CHL1: variants seen among roughly 807,000 people sequenced by gnomAD.
CHL1 encodes cell adhesion molecule L1 like.
Under a neutral mutation model 141.9 loss-of-function variants are expected in CHL1, and 96 were observed. That is an observed-to-expected ratio of 0.68 (90% CI 0.57 to 0.80). CHL1 has a LOEUF of 0.80. Among genes scored for constraint, CHL1 ranks in the 30% least tolerant of loss-of-function variants. The probability of loss-of-function intolerance (pLI) is 0.00; values close to 1 mark genes in which losing one functional copy is unlikely to be tolerated. For synonymous variants in CHL1, 613 were observed against 502.2 expected (o/e 1.22, Z -2.95); for missense variants, 1,820 against 1,457.2 (o/e 1.25, Z -4.05).
chr3:380,716 CAAT>C (rs1706924503), intron 16 of CHL1, among the ~76,000 whole-genome samples: 1 of 152,118 alleles, frequency 6.6e-6, no homozygotes, highest in South Asian at 2.1e-4. Context: ...TCATTGTTAT[CAAT>C]AATGATAAAA....
At chr3:258,985 G>C (rs991947349) in intron 2 of CHL1, among the ~76,000 whole-genome samples, 6 of 147,980 alleles carry the variant, frequency 4.1e-5, no homozygotes, top group African/African-American at 1.5e-4. Flanking sequence ...CCAGGCTGGA[G>C]TGCAGTGGCT....
Position 363,353 on chromosome 3 carries a change from A to T in CHL1, c.1555A>T (p.Thr519Ser). The change falls in exon 14 of 28, where the codon ACT (threonine) becomes TCT (serine). Residue 519 changes from threonine to serine, a missense_variant. By Grantham distance (58) the Thr-to-Ser change is moderately conservative. Coordinates refer to ENST00000256509, the MANE Select transcript of CHL1 (RefSeq NM_006614.4). The part of the protein sequence containing the change: ...SCWVENAIGK[T>S]AVTANLDIRN... ...TTGGGTAGAAAATGCTATAGGAAAAACTGCAGTCACAGCCAATTTGGATAT... is the reference window on the plus strand; with the variant it reads ...TTGGGTAGAAAATGCTATAGGAAAATCTGCAGTCACAGCCAATTTGGATAT... 1 of 1,611,134 alleles carries T rather than the reference A, an allele frequency of 6.2e-7. No individual in the cohort carries two copies. Among genetic ancestry groups the T allele is most frequent in the Non-Finnish European group, 8.5e-7 (1 of 1,179,104 alleles).
chr3:344,127 G>A (rs185398384), intron 8 of CHL1, among the ~76,000 whole-genome samples: 1 of 152,258 alleles, frequency 6.6e-6, no homozygotes, highest in Non-Finnish European at 1.5e-5. Context: ...TAGATGCCTA[G>A]TGTCTACCAC....
At chr3:357,052 T>G (rs933561700) in intron 11 of CHL1, among the ~76,000 whole-genome samples, 2 of 152,232 alleles carry the variant, frequency 1.3e-5, no homozygotes, top group Admixed American at 6.5e-5. Flanking sequence ...TCTGGATTTA[T>G]TTTGAAATTG....
intron 1 of CHL1, among the ~76,000 whole-genome samples, chr3:212,420 C>T (rs1699976178): frequency 6.6e-6 from 1 of 152,192 alleles, no homozygotes; most frequent in Non-Finnish European, 1.5e-5. Context: ...CCCCTCAATA[C>T]ACTGAGATTT....
intron 1 of CHL1, among the ~76,000 whole-genome samples, chr3:225,233 T>A (rs2125005113): frequency 6.6e-6 from 1 of 152,348 alleles, no homozygotes; most frequent in South Asian, 2.1e-4. Context: ...CCACTGAGTA[T>A]GTAACACGTT....
At chr3:315,761 C>T (rs1208235148) in intron 2 of CHL1, among the ~76,000 whole-genome samples, 1 of 152,012 alleles carries the variant, frequency 6.6e-6, no homozygotes, top group Non-Finnish European at 1.5e-5. Flanking sequence ...TGCATTGAAG[C>T]GACTGCATTG....
chr3:242,331 T>G (rs1692666434), intron 1 of CHL1, among the ~76,000 whole-genome samples: 1 of 149,802 alleles, frequency 6.7e-6, no homozygotes, highest in East Asian at 2.0e-4. Context: ...GCGCGGTGGC[T>G]CACGCCTGTA....
In CHL1 at chr3:409,385, C is replaced by T. The variant is rs1274782491; in HGVS notation, c.*3674C>T. The T allele has an allele frequency of 6.6e-6, 1 of 151,868 alleles. No homozygotes were observed. The highest frequency in any genetic ancestry group is 2.4e-5 in the African/African-American group (1 of 41,348). 9.4% of individuals were successfully genotyped at this position (151,868 alleles called of 1,614,324 possible). A position where few individuals can be genotyped will look rare whatever the true frequency, so the allele number is the denominator to read the frequency against. On this transcript the variant is annotated 3_prime_UTR_variant, in exon 28 of 28. Coordinates refer to ENST00000256509, the MANE Select transcript of CHL1 (RefSeq NM_006614.4). ...TCATTATACATGAAATTCAACTTTC[C>T]AAATAAAAGTTCTACTTCATGTAAT...
intron 2 of CHL1, among the ~76,000 whole-genome samples, chr3:282,972 G>T (rs1158371378): frequency 1.3e-5 from 2 of 152,162 alleles, no homozygotes; most frequent in African/African-American, 4.8e-5. Context: ...CCAAGTAAAA[G>T]CCCTGCTTTT....
intron 2 of CHL1, among the ~76,000 whole-genome samples, chr3:283,475 C>T (rs954391875): frequency 6.6e-6 from 1 of 152,164 alleles, no homozygotes; most frequent in East Asian, 1.9e-4. Flanking sequence ...TTCATCCATC[C>T]TTTTATTCAT....
chr3:327,285 A>G (rs944326254), intron 4 of CHL1, among the ~76,000 whole-genome samples: 2 of 152,004 alleles, frequency 1.3e-5, no homozygotes, highest in African/African-American at 2.4e-5. Context: ...GGTAATTCCA[A>G]TATACAATGC....
chr3:301,951 A>C (rs1338321378), intron 2 of CHL1, among the ~76,000 whole-genome samples: 2 of 152,002 alleles, frequency 1.3e-5, no homozygotes, highest in African/African-American at 4.8e-5. Flanking sequence ...CCCTTTATCC[A>C]TGTGTTCTCC....
chr3:329,645 T>G (rs1437789466), intron 5 of CHL1, among the ~76,000 whole-genome samples: 1 of 150,978 alleles, frequency 6.6e-6, no homozygotes, highest in African/African-American at 2.4e-5. Flanking sequence ...ATATCACAAA[T>G]GAAAGACAAA....
intron 1 of CHL1, among the ~76,000 whole-genome samples, chr3:242,249 T>C (rs749456820): frequency 2.6e-5 from 4 of 152,182 alleles, no homozygotes; most frequent in Non-Finnish European, 5.9e-5. Flanking sequence ...GGTCTGTGCA[T>C]CTCTTTCCAG....
chr3:297,956 G>T (rs957811716), intron 2 of CHL1, among the ~76,000 whole-genome samples: 4 of 152,160 alleles, frequency 2.6e-5, no homozygotes, highest in Non-Finnish European at 5.9e-5. Flanking sequence ...CCATAGGTCT[G>T]GTACAGCTGT....
In CHL1 at chr3:274,619, C is replaced by A. The variant is rs17017700; in HGVS notation, c.-95+29927C>A. Among the ~76,000 whole-genome samples, 639 of 152,274 alleles carry A rather than the reference C, an allele frequency of 4.2e-3. 9 individuals carry two copies. Among genetic ancestry groups the A allele is most frequent in the African/African-American group, 0.015 (610 of 41,554 alleles). The stretch of plus-strand genomic sequence containing the variant: ...TACTCTAGTGAGCTGTAGGCTGACA[C>A]GTTACCAATAGCTTCTTTTCATTGT... On this transcript the variant is annotated intron_variant, in intron 2 of 27. Coordinates refer to ENST00000256509, the MANE Select transcript of CHL1 (RefSeq NM_006614.4).
chr3:215,698 G>T (rs1466466522), intron 1 of CHL1, among the ~76,000 whole-genome samples: 2 of 151,966 alleles, frequency 1.3e-5, no homozygotes, highest in Non-Finnish European at 2.9e-5. Flanking sequence ...AAATTGTCAT[G>T]GGTTTGCTCT....
At chr3:246,057 C>T (rs1693134015) in intron 2 of CHL1, among the ~76,000 whole-genome samples, 1 of 152,198 alleles carries the variant, frequency 6.6e-6, no homozygotes, top group South Asian at 2.1e-4. Context: ...TAATCAATTC[C>T]TTTGATGATG....
Sources: allele counts gnomAD v4.1 joint callset (sites outside exome capture counted in the v4.1 genomes callset), GRCh38; gene constraint gnomAD v4.1.1; transcripts MANE v1.5; gene names NCBI Gene and HGNC (gene_info 2026-07-23, HGNC 2026-07-21).